Variants in WDR43 observed in about 807,000 individuals in gnomAD.
WDR43 encodes the protein WD repeat domain 43.
Under a neutral mutation model 91.4 loss-of-function variants are expected in WDR43, and 13 were observed. The ratio of observed to expected loss-of-function variants is 0.14; its 90% CI spans 0.09 to 0.23. The LOEUF (loss-of-function observed/expected upper bound fraction) is 0.23. Ranked by LOEUF, WDR43 falls within the 10% of genes least tolerant of loss-of-function variation. The pLI, the probability that WDR43 is intolerant of heterozygous loss-of-function variation, is 1.00. For missense variants in WDR43, 780 were observed against 809.4 expected (o/e 0.96, Z 0.44); for synonymous variants, 331 against 287.9 (o/e 1.15, Z -1.51).
rs964864818 is a variant in WDR43, at chr2:28,906,699, C to G, written c.485+118C>G. ...ATTTACAAAGAACTTTTAATCAAAT[C>G]GAGCATGCAAGATTTTAATACATAA... is the stretch of plus-strand genomic sequence containing the variant. On this transcript the variant is annotated intron_variant, in intron 3 of 17. Coordinates refer to ENST00000407426, the MANE Select transcript of WDR43 (RefSeq NM_015131.3). 8 of 1,266,512 alleles carry G rather than the reference C, an allele frequency of 6.3e-6. No individual in the cohort carries two copies. The Middle Eastern group carries it at 6.3e-4, about 99-fold the overall frequency. 78.5% of individuals were successfully genotyped at this position (1,266,512 alleles called of 1,614,324 possible).
intron 1 of WDR43, among the ~76,000 whole-genome samples, chr2:28,897,614 A>G (rs1313593234): frequency 1.3e-5 from 2 of 152,228 alleles, no homozygotes; most frequent in Non-Finnish European, 2.9e-5. Context: ...TTGGCATTTA[A>G]TATGGTAAAT....
At chr2:28,924,849 A>T in intron 7 of WDR43, 133 bp from the exon 8 acceptor site, 1 of 984,658 alleles carries the variant, frequency 1.0e-6, no homozygotes, top group Non-Finnish European at 1.5e-6. Context: ...CATGCTCCGG[A>T]GACCCAGGTG....
intron 1 of WDR43, chr2:28,895,186 C>G (rs1670453610): frequency 3.0e-6 from 1 of 331,940 alleles, no homozygotes; most frequent in Non-Finnish European, 5.4e-6. Context: ...CTGGGCCCCA[C>G]TGTTGACGGG....
chr2:28,925,324 A>G (rs566443275), intron 8 of WDR43, among the ~76,000 whole-genome samples, 171 bp downstream of exon 8: 1 of 152,338 alleles, frequency 6.6e-6, no homozygotes, highest in South Asian at 2.1e-4. Context: ...TATATCCAAC[A>G]TAATTTAACA....
rs752884679 is a variant in WDR43, at chr2:28,929,649, C to T, written c.1376C>T (p.Thr459Met). ...THKKGKEDLQTNSFPVLLTQG... is the reference protein window; with the variant it reads ...THKKGKEDLQMNSFPVLLTQG... Reference sequence around the variant, plus strand: ...AAAAAAGGAAAGGAAGACCTCCAGACGAATAGCTTTCCAGTTCTTCTTACC... The same window carrying T: ...AAAAAAGGAAAGGAAGACCTCCAGATGAATAGCTTTCCAGTTCTTCTTACC... Residue 459 changes from threonine (T) to methionine (M), a missense_variant, in exon 11 of 18, where the codon ACG becomes ATG. This residue lies in a region of WDR43 where 426 missense variants were observed against 467.8 expected (regional missense o/e 0.91). Coordinates refer to ENST00000407426, the MANE Select transcript of WDR43 (RefSeq NM_015131.3). The T allele has an allele frequency of 1.4e-5, 22 of 1,613,572 alleles. No homozygotes were observed. The highest frequency in any genetic ancestry group is 1.6e-4 in the Middle Eastern group (1 of 6,082).
Position 28,946,472 on chromosome 2 carries a change from T to C in WDR43, c.1827T>C (p.Asp609=), listed in dbSNP as rs1192226367. 12 of 1,612,134 alleles carry C rather than the reference T, an allele frequency of 7.4e-6. No homozygotes were observed. Among genetic ancestry groups the C allele is most frequent in the Non-Finnish European group, 9.3e-6 (11 of 1,179,124 alleles). The change falls in exon 17 of 18, where the codon GAT becomes GAC. Residue 609 remains aspartate (D), a synonymous_variant. Transcript: ENST00000407426. ...YEEESSEEES[D]DEIADKDSED... Reference sequence around the variant, plus strand: ...CAGAGTCTTCTGAAGAGGAGTCTGATGATGAAATAGCAGATAAGGATTCTG... The same window carrying C: ...CAGAGTCTTCTGAAGAGGAGTCTGACGATGAAATAGCAGATAAGGATTCTG...
intron 2 of WDR43, among the ~76,000 whole-genome samples, chr2:28,904,760 A>C (rs112512998): frequency 2.6e-5 from 4 of 152,356 alleles, no homozygotes; most frequent in African/African-American, 9.6e-5. Context: ...TGAATGTAAC[A>C]TTTTAAAATA....
chr2:28,944,068 T>C (rs1004821443), intron 16 of WDR43, among the ~76,000 whole-genome samples: 4 of 152,188 alleles, frequency 2.6e-5, no homozygotes, highest in Non-Finnish European at 4.4e-5. Flanking sequence ...GAGCGGCTCA[T>C]GATGTCCTCC....
At chr2:28,914,702 G>A (rs1670873632) in intron 5 of WDR43, among the ~76,000 whole-genome samples, 1 of 152,160 alleles carries the variant, frequency 6.6e-6, no homozygotes, top group Non-Finnish European at 1.5e-5. Context: ...AGGCCGAGGC[G>A]GGCGGATCAC....
chr2:28,931,462 G>T (rs967899753), intron 11 of WDR43, among the ~76,000 whole-genome samples: 3 of 152,270 alleles, frequency 2.0e-5, no homozygotes, highest in East Asian at 1.9e-4. Context: ...TTGCAATTTA[G>T]TTTTTTGGAA....
At chr2:28,901,882 C>CA in intron 1 of WDR43, 105 bp from the exon 2 acceptor site, 2 of 1,158,402 alleles carry the variant, frequency 1.7e-6, no homozygotes, top group Non-Finnish European at 2.4e-6. Context: ...CTCTTCCCCC[C>CA]TTTTAAAATG....
At chr2:28,924,848 G>A (rs995465744) in intron 7 of WDR43, 134 bp from the exon 8 acceptor site, 96 of 980,494 alleles carry the variant, frequency 9.8e-5, no homozygotes, top group Non-Finnish European at 1.4e-4. Context: ...TCATGCTCCG[G>A]AGACCCAGGT....
At chr2:28,920,408 A>G (rs867480451) in intron 6 of WDR43, among the ~76,000 whole-genome samples, 2 of 151,146 alleles carry the variant, frequency 1.3e-5, no homozygotes, top group African/African-American at 2.4e-5. Context: ...GTGTTTTTCT[A>G]GTAGAGATGG....
At chr2:28,941,627 A>G (rs1671439011) in intron 15 of WDR43, 53 bp downstream of exon 15, 1 of 1,335,228 alleles carries the variant, frequency 7.5e-7, no homozygotes, top group Non-Finnish European at 1.1e-6. Context: ...GTAGGAATGG[A>G]GAGAGGAATA....
chr2:28,904,224 A>G (rs535559510), intron 2 of WDR43, among the ~76,000 whole-genome samples: 1 of 152,270 alleles, frequency 6.6e-6, no homozygotes, highest in African/African-American at 2.4e-5. Flanking sequence ...ATGGTATGGT[A>G]AGGTGGAAAA....
Position 28,936,739 on chromosome 2 carries a change from A to G in WDR43, c.1525-183A>G, listed in dbSNP as rs1268686961. Among the ~76,000 whole-genome samples, 7 of 152,154 alleles carry G rather than the reference A, an allele frequency of 4.6e-5. No individual in the cohort carries two copies. In the South Asian group the frequency reaches 1.4e-3, roughly 32 times the overall value. On this transcript the variant is annotated intron_variant, in intron 12 of 17. Coordinates refer to ENST00000407426, the MANE Select transcript of WDR43 (RefSeq NM_015131.3). The stretch of plus-strand genomic sequence containing the variant: ...CTGGACATTCCTTCATATAAGTCCT[A>G]TCCTAGACTTTTATCAGCTAATTAC...
intron 8 of WDR43, among the ~76,000 whole-genome samples, 179 bp downstream of exon 8, chr2:28,925,332 A>G (rs955898003): frequency 6.6e-6 from 1 of 152,252 alleles, no homozygotes; most frequent in South Asian, 2.1e-4. Context: ...ACATAATTTA[A>G]CACCTGGTCA....
intron 11 of WDR43, among the ~76,000 whole-genome samples, chr2:28,933,917 A>G (rs1370647755): frequency 2.0e-5 from 3 of 152,200 alleles, no homozygotes; most frequent in Admixed American, 6.5e-5. Flanking sequence ...ACTACTTTGG[A>G]AAACAATTAG....
chr2:28,946,343 A>G, intron 16 of WDR43, 107 bp from the exon 17 acceptor site: 2 of 1,142,342 alleles, frequency 1.8e-6, no homozygotes, highest in Non-Finnish European at 2.4e-6. Context: ...TGCTAAATAT[A>G]AATAATATTT....
Sources: gnomAD v4.1 joint callset for allele counts (sites outside exome capture counted in the v4.1 genomes callset) on GRCh38, gnomAD v4.1.1 for gene constraint, gnomAD v4.1.1 regional missense constraint, MANE v1.5 for transcripts, NCBI Gene and HGNC (gene_info 2026-07-23, HGNC 2026-07-21) for gene names.